The following CBFA2T3 variants were observed in gnomAD, a reference collection of about 807,000 sequenced individuals.
The protein encoded by CBFA2T3 is CBFA2/RUNX1 partner transcriptional co-repressor 3.
A neutral mutation model predicts 58.6 loss-of-function variants in CBFA2T3; 31 were observed. The ratio of observed to expected loss-of-function variants is 0.53; its 90% CI spans 0.40 to 0.71. The LOEUF is 0.71. CBFA2T3 is among the 30% of genes least tolerant of loss of function. The probability of loss-of-function intolerance (pLI) is 0.00; values close to 1 mark genes in which losing one functional copy is unlikely to be tolerated. For synonymous variants in CBFA2T3, 531 were observed against 421.9 expected (o/e 1.26, Z -3.17); for missense variants, 1,076 against 963.1 (o/e 1.12, Z -1.55).
At chr16:88,882,555 T>C in intron 8 of CBFA2T3, 121 bp downstream of exon 8, 5 of 666,226 alleles carry the variant, frequency 7.5e-6, no homozygotes, top group Non-Finnish European at 1.3e-5. Flanking sequence ...TGGGTGTGGC[T>C]GTGTGTGGGC....
Position 88,876,884 on chromosome 16 carries a change from C to A in CBFA2T3, c.*92G>T. On this transcript the variant is annotated 3_prime_UTR_variant, in exon 12 of 12. Coordinates refer to ENST00000268679, the MANE Select transcript of CBFA2T3 (RefSeq NM_005187.6). ...AGGCGGGGCGCAGTGTCTGGCAGGCCAGGCATCGGAGGCCAGGCACAGCAT... is the reference window on the plus strand; with the variant it reads ...AGGCGGGGCGCAGTGTCTGGCAGGCAAGGCATCGGAGGCCAGGCACAGCAT... The A allele has an allele frequency of 9.5e-7, 1 of 1,053,234 alleles. No homozygotes were observed. The highest frequency in any genetic ancestry group is 1.3e-6 in the Non-Finnish European group (1 of 777,166). 65.2% of individuals were successfully genotyped at this position (1,053,234 alleles called of 1,614,324 possible).
At chr16:88,938,362 C>G (rs574360200) in intron 1 of CBFA2T3, 11 of 152,370 alleles carry the variant, frequency 7.2e-5, no homozygotes, top group African/African-American at 2.7e-4. Flanking sequence ...AGGGACTGGG[C>G]GGGGCTGGAC....
intron 1 of CBFA2T3, among the ~76,000 whole-genome samples, chr16:88,901,901 G>A (rs191887950): frequency 2.6e-5 from 4 of 152,276 alleles, no homozygotes; most frequent in Admixed American, 1.3e-4. Context: ...TGGGGCCCTC[G>A]GTGTGTGGCC....
Position 88,901,656 on chromosome 16 carries a change from G to T in CBFA2T3, c.152C>A (p.Ala51Asp). The change falls in exon 2 of 12, where the codon GCC (alanine) becomes GAC (aspartate). Residue 51 changes from alanine to aspartate, a missense_variant and splice_region_variant. Ala to Asp is a moderately radical substitution (Grantham distance 126, BLOSUM62 -2). Coordinates refer to ENST00000268679, the MANE Select transcript of CBFA2T3 (RefSeq NM_005187.6). Reference protein sequence around the residue: ...APRGPRKGGPAPVDRKAKASA... With the variant: ...APRGPRKGGPDPVDRKAKASA... ...GGCCTTAGCTTTCCTGTCCACTGGG[G>T]CTGCGACCAACGGAGAAAGAAAGAG... 6.6e-7 allele frequency: 1 copy of T among 1,526,034 alleles called. No homozygotes were observed. The allele number at this position is 1,526,034 out of a possible 1,614,324, so 94.5% of individuals were successfully genotyped here. A position where few individuals can be genotyped will look rare whatever the true frequency, so the allele number is the denominator to read the frequency against.
intron 1 of CBFA2T3, among the ~76,000 whole-genome samples, chr16:88,934,901 G>A (rs1052784300): frequency 1.3e-5 from 2 of 152,156 alleles, no homozygotes; most frequent in African/African-American, 4.8e-5. Flanking sequence ...CACCACGCCC[G>A]GCTAATTTTT....
chr16:88,945,859 T>C (rs1184271315), intron 1 of CBFA2T3, among the ~76,000 whole-genome samples: 2 of 152,234 alleles, frequency 1.3e-5, no homozygotes, highest in African/African-American at 2.4e-5. Context: ...CACAAAACCC[T>C]GCACATTAAT....
intron 1 of CBFA2T3, among the ~76,000 whole-genome samples, chr16:88,919,726 T>C (rs1970851092): frequency 1.3e-5 from 2 of 152,256 alleles, no homozygotes; most frequent in Middle Eastern, 3.4e-3. Context: ...ATGTTTACTC[T>C]AAAAAGAAAG....
chr16:88,937,005 C>T (rs1971524037), intron 1 of CBFA2T3: 1 of 152,258 alleles, frequency 6.6e-6, no homozygotes, highest in Admixed American at 6.5e-5. Flanking sequence ...GCGGTTTCCA[C>T]TCCAGGAATT....
chr16:88,896,352 C>T (rs749668992), intron 3 of CBFA2T3, among the ~76,000 whole-genome samples: 4 of 152,196 alleles, frequency 2.6e-5, no homozygotes, highest in East Asian at 3.8e-4. Context: ...CTGGCTTGAA[C>T]GATCTTAGCA....
rs923488476 is a variant in CBFA2T3 at position 88,885,966 on chromosome 16, G to A, written c.888C>T (p.Pro296=). ...EVNENGKRRT[P]DRTKENGSDR... ...TCCCCGGAGCCCACAGGTACCTGTCGGGCGTCCTCCTCTTGCCGTTCTCGT... is the reference window on the plus strand; with the variant it reads ...TCCCCGGAGCCCACAGGTACCTGTCAGGCGTCCTCCTCTTGCCGTTCTCGT... The change falls in exon 6 of 12, where the codon CCC becomes CCT. Residue 296 remains proline, a synonymous_variant. Coordinates refer to ENST00000268679, the MANE Select transcript of CBFA2T3 (RefSeq NM_005187.6). This position sits in a 1 kb window ranked among gnomAD's most constrained non-coding sequence, Gnocchi z 5.3. 15 of 1,548,532 alleles carry A rather than the reference G, an allele frequency of 9.7e-6. No individual in the cohort carries two copies. The highest frequency in any genetic ancestry group is 2.0e-4 in the Middle Eastern group (1 of 4,976).
At chr16:88,888,598 T>TGGGAGGGGTGGGGTG (rs1291983611) in intron 5 of CBFA2T3, among the ~76,000 whole-genome samples, 2 of 1,976 alleles carry the variant, frequency 1.0e-3, no homozygotes, top group Admixed American at 5.6e-3. Flanking sequence ...TGGGGTGGGG[T>TGGGAGGGGTGGGGTG]GGGTGGGAGG....
At chr16:88,966,156 T>C (rs1042760448) in intron 1 of CBFA2T3, among the ~76,000 whole-genome samples, 19 of 152,330 alleles carry the variant, frequency 1.2e-4, no homozygotes, top group South Asian at 1.0e-3. Flanking sequence ...CGCTCTGCTC[T>C]GAGGGTCACT....
intron 2 of CBFA2T3, 117 bp from the exon 3 acceptor site, chr16:88,898,269 T>C (rs1412938152): frequency 2.6e-6 from 2 of 784,102 alleles, no homozygotes; most frequent in African/African-American, 3.4e-5. Context: ...GGTGGGGGCG[T>C]GGGCAGGAGA....
rs562247398 is a variant in CBFA2T3 at position 88,929,230 on chromosome 16, C to T, written c.152-27574G>A. Among the ~76,000 whole-genome samples the T allele has an allele frequency of 3.8e-4, 58 of 152,268 alleles. No individual in the cohort carries two copies. The East Asian group carries it at 8.1e-3, about 21-fold the overall frequency. ...AGCAGCTTGCAGGCAGTCTGGCTGC[C>T]GCTGTGCAAACAACCCAGGGCGCCC... is the stretch of plus-strand genomic sequence containing the variant. On this transcript the variant is annotated intron_variant, in intron 1 of 11. Coordinates refer to ENST00000268679, the MANE Select transcript of CBFA2T3 (RefSeq NM_005187.6).
intron 1 of CBFA2T3, among the ~76,000 whole-genome samples, chr16:88,903,669 G>T (rs556457491): frequency 3.8e-5 from 5 of 129,902 alleles, no homozygotes; most frequent in Admixed American, 1.5e-4. Flanking sequence ...TGGGGGGGGG[G>T]GCGTTCCTGG....
intron 1 of CBFA2T3, among the ~76,000 whole-genome samples, chr16:88,924,368 A>C (rs189508931): frequency 3.3e-5 from 5 of 152,134 alleles, no homozygotes; most frequent in Admixed American, 3.3e-4. Flanking sequence ...GGGGCCGCCG[A>C]CCACAAGGAG....
intron 5 of CBFA2T3, among the ~76,000 whole-genome samples, chr16:88,890,594 G>A (rs530716505): frequency 1.8e-4 from 28 of 152,348 alleles, no homozygotes; most frequent in East Asian, 7.7e-4. Context: ...ATGTGCAGCC[G>A]TCTTGGGGAA....
In CBFA2T3 at chr16:88,875,471, C is replaced by T. The variant is rs1968794326; in HGVS notation, c.*1505G>A. The T allele has an allele frequency of 4.3e-6, 1 of 233,248 alleles. No individual in the cohort carries two copies. The highest frequency in any genetic ancestry group is 2.2e-5 in the African/African-American group (1 of 45,170). 14.4% of individuals were successfully genotyped at this position (233,248 alleles called of 1,614,324 possible). A position where few individuals can be genotyped will look rare whatever the true frequency, so the allele number is the denominator to read the frequency against. On this transcript the variant is annotated 3_prime_UTR_variant, in exon 12 of 12. Transcript: ENST00000268679. ...CCAGGGCTATGTACACGGTCAGGGT[C>T]TTCCCTGGGGAGGAGGCAGAGGGCT...
At chr16:88,929,042 C>T (rs917399001) in intron 1 of CBFA2T3, among the ~76,000 whole-genome samples, 5 of 152,196 alleles carry the variant, frequency 3.3e-5, no homozygotes, top group African/African-American at 1.2e-4. Flanking sequence ...AGAGCTGTGA[C>T]TGGCCTTTAA....
Sources: allele counts gnomAD v4.1 joint callset (sites outside exome capture counted in the v4.1 genomes callset), GRCh38; gene constraint gnomAD v4.1.1; non-coding constraint Gnocchi (gnomAD v3.1); transcripts MANE v1.5; gene names NCBI Gene and HGNC (gene_info 2026-07-23, HGNC 2026-07-21).